The following SHROOM2 variants were observed in gnomAD, a reference collection of about 807,000 sequenced individuals.
SHROOM2 encodes the protein protein Shroom2.
Under a neutral mutation model 75.9 loss-of-function variants are expected in SHROOM2, and 33 were observed. The observed-to-expected ratio is 0.43, with a 90% CI of 0.33 to 0.58. The LOEUF is 0.58. Ranked by LOEUF, SHROOM2 falls within the 20% of genes least tolerant of loss-of-function variation. The probability of loss-of-function intolerance (pLI) is 0.04; values close to 1 mark genes in which losing one functional copy is unlikely to be tolerated. For missense variants in SHROOM2, 1,434 were observed against 1,461.2 expected (o/e 0.98, Z 0.30); for synonymous variants, 655 against 663.6 (o/e 0.99, Z 0.20).
intron 2 of SHROOM2, among the ~76,000 whole-genome samples, chrX:9,885,205 G>T (rs1226300045): frequency 8.9e-6 from 1 of 111,919 alleles, no homozygotes; most frequent in Non-Finnish European, 1.9e-5. Context: ...GAGACCCACG[G>T]TTCTAGGGAC....
intron 5 of SHROOM2, among the ~76,000 whole-genome samples, chrX:9,902,626 CAAAAT>C (rs2084371028): frequency 8.9e-6 from 1 of 112,524 alleles, no homozygotes; most frequent in Non-Finnish European, 1.9e-5. Flanking sequence ...ATAAACATCT[CAAAAT>C]AAATTTGGTA....
At chrX:9,818,660 C>A (rs2083835842) in intron 1 of SHROOM2, 2 of 376,910 alleles carry the variant, frequency 5.3e-6, no homozygotes, top group Non-Finnish European at 9.7e-6. Context: ...TCTCTAATCT[C>A]CTCTTTAAAA....
chrX:9,887,944 A>T (rs1450895838), intron 2 of SHROOM2, among the ~76,000 whole-genome samples: 1 of 113,320 alleles, frequency 8.8e-6, no homozygotes, highest in Non-Finnish European at 1.9e-5. Flanking sequence ...GTGGCCATTG[A>T]GCACTCGCAA....
rs755289031 is a variant in SHROOM2 at position 9,946,853 on chromosome X, G to A, written c.4767G>A (p.Gln1589=). ...TGAAGTCGGCCCTCATCATCGAGCA[G>A]CGGGAGCTGGAAGATAAAATCCACC... ...VKMKSALIIE[Q]RELEDKIHLG... Residue 1589 remains glutamine (Q), a synonymous_variant, in exon 10 of 10, where the codon CAG becomes CAA. Transcript: ENST00000380913. 8 of 1,198,810 alleles carry A rather than the reference G, an allele frequency of 6.7e-6. No homozygotes were observed. In the East Asian group the frequency reaches 2.4e-4, roughly 36 times the overall value.
At chrX:9,807,183 C>A (rs2083758319) in intron 1 of SHROOM2, among the ~76,000 whole-genome samples, 1 of 111,954 alleles carries the variant, frequency 8.9e-6, no homozygotes, top group Admixed American at 9.5e-5. Flanking sequence ...TGGATGATCC[C>A]CCAGCAGGGT....
chrX:9,824,444 A>G (rs1161319201), intron 1 of SHROOM2, among the ~76,000 whole-genome samples: 1 of 111,358 alleles, frequency 9.0e-6, no homozygotes, highest in Admixed American at 9.6e-5. Flanking sequence ...CGTCTCAAAA[A>G]TAAATAAATA....
chrX:9,793,581 C>T (rs759885129), intron 1 of SHROOM2, among the ~76,000 whole-genome samples: 13 of 110,324 alleles, frequency 1.2e-4, no homozygotes, highest in Admixed American at 1.2e-3. Context: ...TGAGCCACTG[C>T]GCCTGGCCCT....
At position 9,919,324 on chromosome X, in the gene SHROOM2, C is replaced by CTTTTTTTT. The variant is rs55905923; in HGVS notation, c.2892-12832_2892-12825dup. ...AGGAAATGTTTCATGGAGGAGGTTG[C>CTTTTTTTT]TTTTTTTTTTTTTTTTTTTTTTTTT... is the stretch of plus-strand genomic sequence containing the variant. On this transcript the variant is annotated intron_variant, in intron 5 of 9. Coordinates refer to ENST00000380913, the MANE Select transcript of SHROOM2 (RefSeq NM_001649.4). 1.2e-4 allele frequency among the ~76,000 whole-genome samples: 4 copies of CTTTTTTTT among 32,468 alleles called. 2 individuals are homozygous for CTTTTTTTT. Among genetic ancestry groups the CTTTTTTTT allele is most frequent in the African/African-American group, 5.4e-4 (4 of 7,460 alleles). The allele number at this position is 32,468 out of a possible 115,157, so 28.2% of individuals were successfully genotyped here.
In SHROOM2 at chrX:9,894,969, A is replaced by G. The variant is rs369354783; in HGVS notation, c.1061A>G (p.Gln354Arg). The stretch of plus-strand genomic sequence containing the variant: ...GCACAGCACTTTACGGCCCTGGCCC[A>G]GGCTCAGCCTCGTGGTGACCGGAGA... ...AAAQHFTALA[Q>R]AQPRGDRRPE... Residue 354 changes from glutamine (Q) to arginine (R), a missense_variant, in exon 4 of 10, where the codon CAG becomes CGG. Gln to Arg is a conservative substitution (Grantham distance 43, BLOSUM62 1). Coordinates refer to ENST00000380913, the MANE Select transcript of SHROOM2 (RefSeq NM_001649.4). 56 of 1,208,093 alleles carry G rather than the reference A, an allele frequency of 4.6e-5. No individual in the cohort carries two copies. The highest frequency in any genetic ancestry group is 6.1e-5 in the Non-Finnish European group (55 of 894,673).
chrX:9,937,197 G>A lies in SHROOM2; in HGVS notation c.3651G>A (p.Ser1217=), dbSNP rs901608526. 33 of 1,203,522 alleles carry A rather than the reference G, an allele frequency of 2.7e-5. No individual in the cohort carries two copies. Among genetic ancestry groups the A allele is most frequent in the South Asian group, 1.8e-4 (10 of 55,569 alleles). Residue 1217 remains serine, a synonymous_variant, in exon 7 of 10, where the codon TCG becomes TCA. Transcript: ENST00000380913. ...TGGTGCCCATCAAGATCGTGCACTCGGAGAGCCAGCCAGAGAAGGAGAGCC... is the reference window on the plus strand; with the variant it reads ...TGGTGCCCATCAAGATCGTGCACTCAGAGAGCCAGCCAGAGAAGGAGAGCC... ...VKMVPIKIVH[S]ESQPEKESRQ...
At chrX:9,850,987 C>G (rs2084036593) in intron 1 of SHROOM2, among the ~76,000 whole-genome samples, 1 of 111,207 alleles carries the variant, frequency 9.0e-6, no homozygotes, top group Non-Finnish European at 1.9e-5. Flanking sequence ...CCTTATGATC[C>G]CCTCTTTGTC....
At chrX:9,843,018 C>T (rs2146770049) in intron 1 of SHROOM2, among the ~76,000 whole-genome samples, 1 of 112,188 alleles carries the variant, frequency 8.9e-6, no homozygotes, top group Admixed American at 9.4e-5. Flanking sequence ...AAAACACCGG[C>T]TCAGGGGAGG....
At chrX:9,891,871 GT>G (rs1271360409) in intron 3 of SHROOM2, among the ~76,000 whole-genome samples, 4 of 64,522 alleles carry the variant, frequency 6.2e-5, no homozygotes, top group Admixed American at 1.7e-4. Flanking sequence ...CATGTTTGGT[GT>G]GTGTGTGTGT....
chrX:9,786,860 G>A, intron 1 of SHROOM2, 150 bp downstream of exon 1: 2 of 354,533 alleles, frequency 5.6e-6, no homozygotes, highest in Non-Finnish European at 8.0e-6. Flanking sequence ...CCTGGGCGCC[G>A]GGACCGGCGT....
Position 9,932,380 on chromosome X carries a change from C to T in SHROOM2, c.3097C>T (p.Arg1033Ter), listed in dbSNP as rs746507899. Residue 1033 changes from arginine to a stop codon, truncating the protein, a stop_gained, in exon 6 of 10, where the codon CGA becomes TGA. Coordinates refer to ENST00000380913, the MANE Select transcript of SHROOM2 (RefSeq NM_001649.4). LOFTEE classifies it high-confidence loss of function. ...GAGCACCCCAGCAGACTTGGGACCC[C>T]GAGCCCAGAGCCCTGGCTCACCCCT... is the stretch of plus-strand genomic sequence containing the variant. ...EESTPADLGPRAQSPGSPLHA... is the reference protein window; with the variant it reads ...EESTPADLGP 1.7e-6 allele frequency: 2 copies of T among 1,209,062 alleles called. No homozygotes were observed. The highest frequency in any genetic ancestry group is 1.8e-5 in the South Asian group (1 of 56,626).
chrX:9,872,341 G>C (rs1018593356), intron 1 of SHROOM2, among the ~76,000 whole-genome samples: 2 of 112,962 alleles, frequency 1.8e-5, no homozygotes, highest in African/African-American at 6.4e-5. Flanking sequence ...GAGGCGGGTG[G>C]ATCACGAGGT....
At chrX:9,913,979 ATTTC>A (rs2084458845) in intron 5 of SHROOM2, among the ~76,000 whole-genome samples, 1 of 110,728 alleles carries the variant, frequency 9.0e-6, no homozygotes, top group Non-Finnish European at 1.9e-5. Context: ...GTAGAGGCAC[ATTTC>A]TTTCTTTTGT....
intron 2 of SHROOM2, among the ~76,000 whole-genome samples, chrX:9,878,955 TAAAAC>T (rs2084216905): frequency 8.9e-6 from 1 of 112,221 alleles, no homozygotes; most frequent in Non-Finnish European, 1.9e-5. Context: ...ATTTTCTTGT[TAAAAC>T]AAAGGAGACC....
Position 9,894,526 on chromosome X carries a change from C to G in SHROOM2, c.618C>G (p.Arg206=). 9 of 1,211,607 alleles carry G rather than the reference C, an allele frequency of 7.4e-6. No individual in the cohort carries two copies. Among genetic ancestry groups the G allele is most frequent in the Non-Finnish European group, 1.0e-5 (9 of 895,504 alleles). Residue 206 remains arginine (R), a synonymous_variant, in exon 4 of 10, where the codon CGC becomes CGG. Coordinates refer to ENST00000380913, the MANE Select transcript of SHROOM2 (RefSeq NM_001649.4). Reference sequence around the variant, plus strand: ...ACCACCTGGGCAGCCACAGCAAGCGCGACTCGGCCTACGGCTCCTTCTCCA... The same window carrying G: ...ACCACCTGGGCAGCCACAGCAAGCGGGACTCGGCCTACGGCTCCTTCTCCA... ...SIDHLGSHSK[R]DSAYGSFSTS...
Sources: allele counts gnomAD v4.1 joint callset (sites outside exome capture counted in the v4.1 genomes callset), GRCh38; gene constraint gnomAD v4.1.1; transcripts MANE v1.5; gene names NCBI Gene and HGNC (gene_info 2026-07-23, HGNC 2026-07-21).